The following XPO7 variants were observed in gnomAD, a reference collection of about 807,000 sequenced individuals.
The protein encoded by XPO7 is exportin-7.
In XPO7, 21 loss-of-function variants were observed where a neutral mutation model predicts 144.3. That is an observed-to-expected ratio of 0.15 (90% CI 0.10 to 0.21). XPO7 has a LOEUF of 0.21. Ranked by LOEUF, XPO7 falls within the 10% of genes least tolerant of loss-of-function variation. The pLI is 1.00. For synonymous variants in XPO7, 580 were observed against 499.6 expected (o/e 1.16, Z -2.15); for missense variants, 808 against 1,325.8 (o/e 0.61, Z 6.06).
chr8:21,953,823 G>A (rs576636879), intron 1 of XPO7, among the ~76,000 whole-genome samples: 7 of 152,124 alleles, frequency 4.6e-5, no homozygotes, highest in Non-Finnish European at 8.8e-5. Context: ...GAGGTGTCTG[G>A]TCAGATCTTT....
chr8:21,982,869 A>G (rs1203783387), intron 11 of XPO7, 57 bp downstream of exon 11: 2 of 1,529,960 alleles, frequency 1.3e-6, no homozygotes, highest in Non-Finnish European at 1.8e-6. Context: ...CACACTTCCT[A>G]GAGATCAGAC....
chr8:21,979,820 A>G (rs1812345156), intron 8 of XPO7, among the ~76,000 whole-genome samples: 1 of 152,146 alleles, frequency 6.6e-6, no homozygotes, highest in Non-Finnish European at 1.5e-5. Context: ...ATTGCTCGAT[A>G]TTTTTAAGGG....
intron 1 of XPO7, among the ~76,000 whole-genome samples, chr8:21,930,409 T>G (rs1015843113): frequency 3.3e-5 from 5 of 152,024 alleles, no homozygotes; most frequent in African/African-American, 9.7e-5. Context: ...GGTTATAGAG[T>G]GAGATCGGTG....
At chr8:21,991,032 C>T (rs1812756322) in intron 18 of XPO7, 113 bp downstream of exon 18, 5 of 912,382 alleles carry the variant, frequency 5.5e-6, no homozygotes, top group African/African-American at 1.7e-5. Context: ...TCAACAGTAA[C>T]AAAACTATCT....
intron 5 of XPO7, among the ~76,000 whole-genome samples, chr8:21,973,990 T>A (rs1010928187): frequency 4.6e-5 from 7 of 152,178 alleles, no homozygotes; most frequent in Non-Finnish European, 1.5e-5. Flanking sequence ...AATTCTGCAG[T>A]AACTTCAGCG....
chr8:21,985,786 A>G, intron 13 of XPO7, 95 bp downstream of exon 13: 1 of 1,048,346 alleles, frequency 9.5e-7, no homozygotes. Context: ...TAATCTGAAC[A>G]TGCTAACTGC....
At chr8:21,933,967 ATGT>A (rs780769834) in intron 1 of XPO7, among the ~76,000 whole-genome samples, 1 of 152,292 alleles carries the variant, frequency 6.6e-6, no homozygotes, top group South Asian at 2.1e-4. Context: ...TAATTTTGTT[ATGT>A]TGTTAGCATA....
intron 1 of XPO7, among the ~76,000 whole-genome samples, chr8:21,942,176 G>T (rs1461226499): frequency 6.6e-6 from 1 of 152,170 alleles, no homozygotes; most frequent in African/African-American, 2.4e-5. Flanking sequence ...AAGTCCTACT[G>T]TGTTTAAAGT....
chr8:21,976,664 GT>G, intron 7 of XPO7, 143 bp downstream of exon 7: 2 of 1,066,144 alleles, frequency 1.9e-6, no homozygotes, highest in Non-Finnish European at 2.6e-6. Context: ...TTGTTTGTTT[GT>G]TTTTTAAAGA....
chr8:21,958,708 CA>C (rs67060035), intron 1 of XPO7, among the ~76,000 whole-genome samples: 152,158 of 152,160 alleles, frequency 1, 76,078 homozygotes, highest in Middle Eastern at 1. Context: ...CCTATAATCC[CA>C]AGTGCTTTGG....
In XPO7 at chr8:21,984,713, A is replaced by G; in HGVS notation, c.1345A>G (p.Ile449Val). Residue 449 changes from isoleucine to valine, a missense_variant, in exon 12 of 28, where the codon ATT becomes GTT. This residue lies in a region of XPO7 where 416 missense variants were observed against 612.5 expected (regional missense o/e 0.68). Coordinates refer to ENST00000252512, the MANE Select transcript of XPO7 (RefSeq NM_015024.5). Reference sequence around the variant, plus strand: ...GCAGCAGTTGGACCAGCTGTCCACCATTGGGCGTTGTGAATATGAGAAGAC... The same window carrying G: ...GCAGCAGTTGGACCAGCTGTCCACCGTTGGGCGTTGTGAATATGAGAAGAC... ...VQQQLDQLST[I>V]GRCEYEKTCA... 1 of 1,614,008 alleles carries G rather than the reference A, an allele frequency of 6.2e-7. No homozygotes were observed. Among genetic ancestry groups the G allele is most frequent in the Non-Finnish European group, 8.5e-7 (1 of 1,179,894 alleles).
chr8:21,943,025 G>A (rs1811045864), intron 1 of XPO7, among the ~76,000 whole-genome samples: 1 of 152,160 alleles, frequency 6.6e-6, no homozygotes, highest in African/African-American at 2.4e-5. Flanking sequence ...TACCTTTGGT[G>A]CACAGTTTGT....
intron 1 of XPO7, among the ~76,000 whole-genome samples, chr8:21,924,447 T>TCCC (rs551761845): frequency 1.5e-5 from 2 of 131,990 alleles, no homozygotes; most frequent in African/African-American, 5.5e-5. Flanking sequence ...GTAGCCCCCC[T>TCCC]CCCCCCCCCA....
chr8:21,930,242 T>C lies in XPO7; in HGVS notation c.18+10454T>C, dbSNP rs17428439. 9.5e-3 allele frequency among the ~76,000 whole-genome samples: 1,453 copies of C among 152,338 alleles called. 5 individuals are homozygous for C. The highest frequency in any genetic ancestry group is 0.015 in the Non-Finnish European group (1,020 of 68,026). ...GAATGGTATTATCCTTCTGGTTATT[T>C]GGTGAGATACACACATCAGTAAACA... On this transcript the variant is annotated intron_variant, in intron 1 of 27. Coordinates refer to ENST00000252512, the MANE Select transcript of XPO7 (RefSeq NM_015024.5).
rs1812351581 is a variant in XPO7 at position 21,979,997 on chromosome 8, A to G, written c.838-87A>G. On this transcript the variant is annotated intron_variant, in intron 8 of 27. Transcript: ENST00000252512. ...AATGTTGCTTCAGATATCCTAAAGA[A>G]GGATATTGTAGGAGGTGGAACGTTT... The G allele has an allele frequency of 2.2e-6, 3 of 1,363,490 alleles. No individual in the cohort carries two copies. The East Asian group carries it at 8.2e-5, about 37-fold the overall frequency. 84.5% of individuals were successfully genotyped at this position (1,363,490 alleles called of 1,614,324 possible).
chr8:21,996,406 C>A (rs1256268932), intron 21 of XPO7, among the ~76,000 whole-genome samples: 5 of 152,136 alleles, frequency 3.3e-5, no homozygotes, highest in Non-Finnish European at 5.9e-5. Context: ...CAGAGCAAGA[C>A]CCTGTCTCAA....
In XPO7 at chr8:21,997,613, C is replaced by G. The variant is rs182613761; in HGVS notation, c.2346-1142C>G. 6.1e-3 allele frequency among the ~76,000 whole-genome samples: 931 copies of G among 152,254 alleles called. 11 individuals are homozygous for G. Among genetic ancestry groups the G allele is most frequent in the African/African-American group, 0.022 (896 of 41,546 alleles). On this transcript the variant is annotated intron_variant, in intron 21 of 27. Coordinates refer to ENST00000252512, the MANE Select transcript of XPO7 (RefSeq NM_015024.5). ...GTCAGACCAGTGAGCAGAGCCAGAT[C>G]ATCTAGTGCCTTCGCACAGCAGTAG... is the stretch of plus-strand genomic sequence containing the variant.
intron 1 of XPO7, among the ~76,000 whole-genome samples, chr8:21,954,669 T>C (rs1257381868): frequency 6.6e-6 from 1 of 152,064 alleles, no homozygotes; most frequent in Non-Finnish European, 1.5e-5. Context: ...AAATAAATAA[T>C]AAATGTGCAC....
chr8:21,990,497 C>T (rs574849496), intron 17 of XPO7, 90 bp downstream of exon 17: 36 of 1,425,012 alleles, frequency 2.5e-5, no homozygotes, highest in Middle Eastern at 1.8e-4. Context: ...ACTGAGGTCC[C>T]GGGTATTGCT....
Sources: allele counts gnomAD v4.1 joint callset (sites outside exome capture counted in the v4.1 genomes callset), GRCh38; gene constraint gnomAD v4.1.1; regional missense constraint gnomAD v4.1.1; transcripts MANE v1.5; gene names NCBI Gene and HGNC (gene_info 2026-07-23, HGNC 2026-07-21).